RNF220: variants seen among roughly 807,000 people sequenced by gnomAD.
The protein encoded by RNF220 is E3 ubiquitin-protein ligase RNF220.
In RNF220, 7 loss-of-function variants were observed where a neutral mutation model predicts 67.1. The observed-to-expected ratio is 0.10, with a 90% CI of 0.06 to 0.20. The LOEUF is 0.20. Among genes scored for constraint, RNF220 ranks in the 10% least tolerant of loss-of-function variants. The probability of loss-of-function intolerance (pLI) is 1.00; values close to 1 mark genes in which losing one functional copy is unlikely to be tolerated. For missense variants in RNF220, 565 were observed against 740.3 expected (o/e 0.76, Z 2.75); for synonymous variants, 270 against 283.2 (o/e 0.95, Z 0.47).
At chr1:44,503,588 C>G (rs1349967561) in intron 2 of RNF220, among the ~76,000 whole-genome samples, 1 of 152,152 alleles carries the variant, frequency 6.6e-6, no homozygotes, top group African/African-American at 2.4e-5. Context: ...ATCTCAGACA[C>G]CCCCTGTTCC....
intron 2 of RNF220, among the ~76,000 whole-genome samples, chr1:44,492,145 C>T (rs185478065): frequency 2.9e-4 from 44 of 152,278 alleles, no homozygotes; most frequent in Non-Finnish European, 5.1e-4. Flanking sequence ...TGTATGAATA[C>T]TTGGCAAACC....
intron 2 of RNF220, among the ~76,000 whole-genome samples, chr1:44,433,857 G>C (rs1051351944): frequency 6.6e-6 from 1 of 152,174 alleles, no homozygotes; most frequent in Non-Finnish European, 1.5e-5. Context: ...AGCTACTCTG[G>C]AGGCTGAGGC....
intron 3 of RNF220, among the ~76,000 whole-genome samples, chr1:44,616,487 G>A (rs766387782): frequency 6.6e-5 from 10 of 152,174 alleles, no homozygotes; most frequent in Non-Finnish European, 8.8e-5. Flanking sequence ...GTGCAGAGGA[G>A]TTAAGTGACA....
At chr1:44,602,795 C>T (rs1410783392) in intron 2 of RNF220, among the ~76,000 whole-genome samples, 1 of 152,140 alleles carries the variant, frequency 6.6e-6, no homozygotes, top group Non-Finnish European at 1.5e-5. Context: ...AACCCCTGCA[C>T]CTTCATTTCT....
chr1:44,578,046 C>T (rs538236906), intron 2 of RNF220, among the ~76,000 whole-genome samples: 1 of 151,312 alleles, frequency 6.6e-6, no homozygotes, highest in East Asian at 1.9e-4. Flanking sequence ...GCTCAAACAA[C>T]CCTCCCACCT....
At chr1:44,461,894 T>C (rs926642844) in intron 2 of RNF220, among the ~76,000 whole-genome samples, 3 of 151,512 alleles carry the variant, frequency 2.0e-5, no homozygotes, top group African/African-American at 7.3e-5. Flanking sequence ...ATTGTAAATG[T>C]ATCATATTTT....
intron 2 of RNF220, among the ~76,000 whole-genome samples, chr1:44,547,972 C>T (rs1662304788): frequency 1.3e-5 from 2 of 152,122 alleles, no homozygotes; most frequent in South Asian, 2.1e-4. Context: ...CCCCAGCACC[C>T]GCACACATCA....
At chr1:44,493,184 G>A (rs1487533376) in intron 2 of RNF220, among the ~76,000 whole-genome samples, 2 of 152,180 alleles carry the variant, frequency 1.3e-5, no homozygotes, top group Non-Finnish European at 1.5e-5. Context: ...AAATTGTTGT[G>A]TAAAATTACC....
intron 2 of RNF220, among the ~76,000 whole-genome samples, chr1:44,595,226 A>G (rs754504809): frequency 9.8e-5 from 15 of 152,324 alleles, no homozygotes; most frequent in Admixed American, 2.0e-4. Flanking sequence ...GGCCCGAGGT[A>G]GGGGTGGGAG....
intron 4 of RNF220, among the ~76,000 whole-genome samples, chr1:44,625,959 A>G (rs1237317645): frequency 6.6e-6 from 1 of 152,096 alleles, no homozygotes; most frequent in East Asian, 1.9e-4. Context: ...ACAACCCTTC[A>G]TGGGGATCCC....
At chr1:44,486,995 G>A (rs1285753287) in intron 2 of RNF220, among the ~76,000 whole-genome samples, 1 of 152,190 alleles carries the variant, frequency 6.6e-6, no homozygotes, top group East Asian at 1.9e-4. Flanking sequence ...ATTAACAGCA[G>A]CAAACTGCTT....
intron 2 of RNF220, among the ~76,000 whole-genome samples, chr1:44,568,000 G>A (rs936726737): frequency 5.9e-5 from 9 of 152,182 alleles, no homozygotes; most frequent in Non-Finnish European, 1.3e-4. Context: ...CTCTGACTCT[G>A]TTCCCCAGTG....
intron 2 of RNF220, among the ~76,000 whole-genome samples, chr1:44,569,151 GCA>G (rs1324696262): frequency 3.1e-4 from 47 of 152,256 alleles, no homozygotes; most frequent in Non-Finnish European, 6.5e-4. Flanking sequence ...TGTGGCAAAT[GCA>G]CTGTCTCCCC....
chr1:44,582,054 T>G (rs1171163085), intron 2 of RNF220, among the ~76,000 whole-genome samples: 2 of 152,222 alleles, frequency 1.3e-5, no homozygotes, highest in Non-Finnish European at 2.9e-5. Flanking sequence ...ACGGAGCTGC[T>G]TCTCAGATCC....
intron 2 of RNF220, among the ~76,000 whole-genome samples, chr1:44,455,650 A>G (rs1653103284): frequency 6.6e-6 from 1 of 152,366 alleles, no homozygotes; most frequent in African/African-American, 2.4e-5. Flanking sequence ...CAGTAAAAAC[A>G]TTGAAAACCA....
chr1:44,472,085 A>G (rs1654864035), intron 2 of RNF220, among the ~76,000 whole-genome samples: 2 of 152,202 alleles, frequency 1.3e-5, no homozygotes, highest in Non-Finnish European at 2.9e-5. Context: ...ATTCCATTGT[A>G]TGGATGTACC....
At position 44,650,082 on chromosome 1, in the gene RNF220, C is replaced by A; in HGVS notation, c.1629+125C>A. 9.8e-7 allele frequency: 1 copy of A among 1,015,272 alleles called. No individual in the cohort carries two copies. Among genetic ancestry groups the A allele is most frequent in the Non-Finnish European group, 1.4e-6 (1 of 692,114 alleles). The allele number at this position is 1,015,272 out of a possible 1,614,324, so 62.9% of individuals were successfully genotyped here. ...GCGCAAAGGAGAACAGAGCCAGGAG[C>A]CAGGATATTTACCCGCAGGATATTT... On this transcript the variant is annotated intron_variant, in intron 14 of 14. Coordinates refer to ENST00000361799, the MANE Select transcript of RNF220 (RefSeq NM_018150.4). This position sits in a 1 kb window ranked among gnomAD's most constrained non-coding sequence, Gnocchi z 4.3.
rs1285306978 is a variant in RNF220 at position 44,606,569 on chromosome 1, A to G, written c.626-7596A>G. Among the ~76,000 whole-genome samples, 1 of 151,692 alleles carries G rather than the reference A, an allele frequency of 6.6e-6. No homozygotes were observed. Among genetic ancestry groups the G allele is most frequent in the African/African-American group, 2.4e-5 (1 of 41,218 alleles). ...TACTGAGGACAGTAGAGTCCTTGCA[A>G]CTCTTCCTTTCTTGGCTTCAATGAC... On this transcript the variant is annotated intron_variant, in intron 2 of 14. Transcript: ENST00000361799. This position sits in a 1 kb window ranked among gnomAD's most constrained non-coding sequence, Gnocchi z 4.2.
In RNF220 at chr1:44,632,436, C is replaced by T. The variant is rs761328605; in HGVS notation, c.949+51C>T. Reference sequence around the variant, plus strand: ...CGCCCCACCCCCGGCCTCCTCCCTCCCTCCCTCACTGCCTGCCGCTCCTGG... The same window carrying T: ...CGCCCCACCCCCGGCCTCCTCCCTCTCTCCCTCACTGCCTGCCGCTCCTGG... On this transcript the variant is annotated intron_variant, in intron 6 of 14. Coordinates refer to ENST00000361799, the MANE Select transcript of RNF220 (RefSeq NM_018150.4). 7.3e-6 allele frequency: 11 copies of T among 1,515,338 alleles called. No homozygotes were observed. The East Asian group carries it at 2.2e-4, about 30-fold the overall frequency. The allele number at this position is 1,515,338 out of a possible 1,614,324, so 93.9% of individuals were successfully genotyped here.
Sources: gnomAD v4.1 joint callset for allele counts (sites outside exome capture counted in the v4.1 genomes callset) on GRCh38, gnomAD v4.1.1 for gene constraint, Gnocchi (gnomAD v3.1) non-coding constraint, MANE v1.5 for transcripts, NCBI Gene and HGNC (gene_info 2026-07-23, HGNC 2026-07-21) for gene names.